GRAMD2B: variants seen among roughly 807,000 people sequenced by gnomAD.
GRAMD2B encodes the protein GRAM domain-containing protein 2B.
GRAMD2B carries 41 observed loss-of-function variants against 59.2 expected under a neutral mutation model. The ratio of observed to expected loss-of-function variants is 0.69; its 90% CI spans 0.54 to 0.90. The LOEUF is 0.90. Ranked by LOEUF, GRAMD2B falls within the 40% of genes least tolerant of loss-of-function variation. GRAMD2B has a pLI of 0.00. For synonymous variants in GRAMD2B, 161 were observed against 182.7 expected, an observed-to-expected ratio of 0.88 and a Z score of 0.96; for missense variants, 424 against 500.5, an observed-to-expected ratio of 0.85 and a Z score of 1.46.
At chr5:126,473,868 G>A (rs10042457) in intron 5 of GRAMD2B, among the ~76,000 whole-genome samples, 49,689 of 152,074 alleles carry the variant, frequency 0.33, 9,298 homozygotes, top group African/African-American at 0.52. Flanking sequence ...ATGAGCAGGA[G>A]GTGGAGCAGT....
chr5:126,449,089 A>G (rs911011367), intron 1 of GRAMD2B, among the ~76,000 whole-genome samples: 4 of 152,246 alleles, frequency 2.6e-5, no homozygotes, highest in African/African-American at 4.8e-5. Context: ...TCAAGTCCAG[A>G]TAGAGAAAAT....
upstream of GRAMD2B, among the ~76,000 whole-genome samples, chr5:126,368,997 C>T (rs1446090409): frequency 6.6e-6 from 1 of 152,158 alleles, no homozygotes; most frequent in Non-Finnish European, 1.5e-5. Flanking sequence ...CTTGAACTAA[C>T]CACACTGGCA....
intron 1 of GRAMD2B, among the ~76,000 whole-genome samples, chr5:126,434,685 T>C (rs1580966726): frequency 1.3e-5 from 2 of 151,966 alleles, no homozygotes; most frequent in East Asian, 3.9e-4. Flanking sequence ...GCCCGGCTAA[T>C]TTTTTGTGTT....
At chr5:126,415,894 T>G (rs1186997686) in intron 1 of GRAMD2B, among the ~76,000 whole-genome samples, 3 of 152,082 alleles carry the variant, frequency 2.0e-5, no homozygotes, top group Non-Finnish European at 4.4e-5. Context: ...ATAGAAAATA[T>G]GTAATATAAA....
Position 126,362,189 on chromosome 5 carries a change from A to G in GRAMD2B, c.128+1730A>G, listed in dbSNP as rs74577660. 1.1e-4 allele frequency among the ~76,000 whole-genome samples: 17 copies of G among 152,342 alleles called. No homozygotes were observed. In the East Asian group the frequency reaches 3.1e-3, roughly 28 times the overall value. On this transcript the variant is annotated intron_variant, in intron 1 of 13. Coordinates refer to the GRAMD2B transcript ENST00000513040. ...CGTGTTAAAAGATCCTATGAGCTCAATTCTGAAGACCAAACGATTTTTTGA... is the reference window on the plus strand; with the variant it reads ...CGTGTTAAAAGATCCTATGAGCTCAGTTCTGAAGACCAAACGATTTTTTGA...
intron 1 of GRAMD2B, among the ~76,000 whole-genome samples, chr5:126,379,447 T>C (rs939516393): frequency 2.6e-5 from 4 of 152,200 alleles, no homozygotes; most frequent in African/African-American, 9.7e-5. Flanking sequence ...GATCAAATGG[T>C]AGATCTATTT....
At chr5:126,478,807 G>A (rs1211760094) in intron 6 of GRAMD2B, among the ~76,000 whole-genome samples, 2 of 152,120 alleles carry the variant, frequency 1.3e-5, no homozygotes, top group Non-Finnish European at 1.5e-5. Context: ...GACAGGGTGA[G>A]GCAGGCAGGT....
intron 13 of GRAMD2B, among the ~76,000 whole-genome samples, chr5:126,491,052 T>C (rs1198139032): frequency 6.6e-6 from 1 of 152,166 alleles, no homozygotes; most frequent in Admixed American, 6.5e-5. Context: ...CATTGTGGTT[T>C]TTGCTTGTAT....
intron 1 of GRAMD2B, among the ~76,000 whole-genome samples, chr5:126,408,748 T>G (rs1365547537): frequency 1.3e-5 from 2 of 151,128 alleles, no homozygotes; most frequent in Non-Finnish European, 2.9e-5. Context: ...TGCAGGCTAG[T>G]TACATATGTA....
At chr5:126,464,368 A>G (rs1457385245) in intron 1 of GRAMD2B, among the ~76,000 whole-genome samples, 1 of 152,178 alleles carries the variant, frequency 6.6e-6, no homozygotes, top group Non-Finnish European at 1.5e-5. Flanking sequence ...TGTTTTACTG[A>G]GCTGACACAC....
chr5:126,368,867 G>A (rs1343280377), upstream of GRAMD2B, among the ~76,000 whole-genome samples: 2 of 152,158 alleles, frequency 1.3e-5, no homozygotes, highest in Non-Finnish European at 2.9e-5. Context: ...TGAAATAACC[G>A]TAACACCCGG....
At chr5:126,439,618 C>G (rs1762964933) in intron 1 of GRAMD2B, among the ~76,000 whole-genome samples, 1 of 151,996 alleles carries the variant, frequency 6.6e-6, no homozygotes, top group African/African-American at 2.4e-5. Flanking sequence ...CGCACCTGGC[C>G]AAAATTGATT....
chr5:126,468,053 A>G (rs1768791130), intron 2 of GRAMD2B, among the ~76,000 whole-genome samples: 1 of 152,222 alleles, frequency 6.6e-6, no homozygotes, highest in Non-Finnish European at 1.5e-5. Flanking sequence ...AAGGAATAAT[A>G]TTGTGAAATC....
At chr5:126,472,574 A>G (rs1313292128) in intron 4 of GRAMD2B, among the ~76,000 whole-genome samples, 1 of 152,180 alleles carries the variant, frequency 6.6e-6, no homozygotes, top group Non-Finnish European at 1.5e-5. Flanking sequence ...TATTGCTGAA[A>G]TGCACATGGT....
At chr5:126,380,726 C>A (rs1178371521) in intron 1 of GRAMD2B, among the ~76,000 whole-genome samples, 1 of 152,262 alleles carries the variant, frequency 6.6e-6, no homozygotes, top group East Asian at 1.9e-4. Context: ...TATAGCAAAG[C>A]TACTGATTTG....
At chr5:126,415,329 AG>A (rs1759174381) in intron 1 of GRAMD2B, among the ~76,000 whole-genome samples, 1 of 152,154 alleles carries the variant, frequency 6.6e-6, no homozygotes, top group Admixed American at 6.5e-5. Flanking sequence ...TTTCTGAGTA[AG>A]GTTCTGTGTG....
rs72782475 is a variant in GRAMD2B, at chr5:126,388,630, T to C, written c.125+17063T>C. Reference sequence around the variant, plus strand: ...ATCATCACATTTTTGGGAATATTCATCTTAATATAAGACGATCACGTTGTA... The same window carrying C: ...ATCATCACATTTTTGGGAATATTCACCTTAATATAAGACGATCACGTTGTA... On this transcript the variant is annotated intron_variant, in intron 1 of 8. Transcript: ENST00000506445. Among the ~76,000 whole-genome samples the C allele has an allele frequency of 8.0e-3, 1,219 of 151,718 alleles. 11 individuals are homozygous for C. The highest frequency in any genetic ancestry group is 0.012 in the Non-Finnish European group (829 of 67,954).
intron 1 of GRAMD2B, among the ~76,000 whole-genome samples, chr5:126,402,684 A>G (rs1291884931): frequency 6.6e-6 from 1 of 152,102 alleles, no homozygotes. Flanking sequence ...ATGTAAGGCT[A>G]TGAGCAGTAT....
At chr5:126,408,237 T>A (rs536634551) in intron 1 of GRAMD2B, among the ~76,000 whole-genome samples, 166 of 152,230 alleles carry the variant, frequency 1.1e-3, no homozygotes, top group African/African-American at 3.9e-3. Context: ...TCACTTAGGA[T>A]AATGGCTTCA....
Sources: allele counts gnomAD v4.1 joint callset (sites outside exome capture counted in the v4.1 genomes callset), GRCh38; gene constraint gnomAD v4.1.1; transcripts MANE v1.5; gene names NCBI Gene and HGNC (gene_info 2026-07-23, HGNC 2026-07-21).